The following OR2L13 variants were observed in gnomAD, a reference collection of about 807,000 sequenced individuals.
OR2L13 encodes the protein olfactory receptor 2L13.
OR2L13 carries 14 observed loss-of-function variants against 15.3 expected under a neutral mutation model. The observed-to-expected ratio is 0.91, with a 90% CI of 0.60 to 1.43. OR2L13 has a LOEUF of 1.43. Among genes scored for constraint, OR2L13 ranks in the 40% most tolerant of loss-of-function variants. The probability of loss-of-function intolerance (pLI) is 0.00; values close to 1 mark genes in which losing one functional copy is unlikely to be tolerated. For synonymous variants in OR2L13, 152 were observed against 142.9 expected, an observed-to-expected ratio of 1.06 and a Z score of -0.45; for missense variants, 367 against 387.9, an observed-to-expected ratio of 0.95 and a Z score of 0.45.
At chr1:248,017,930 C>A in the OR2L13 span, among the ~76,000 whole-genome samples, 1 of 151,998 alleles carries the variant, frequency 6.6e-6, no homozygotes, top group African/African-American at 2.4e-5. Context: ...GGAAAAAATA[C>A]ATTCGTATCG....
chr1:247,941,641 AAGAG>A, the OR2L13 span, among the ~76,000 whole-genome samples: 2 of 151,264 alleles, frequency 1.3e-5, no homozygotes, highest in Non-Finnish European at 1.5e-5. Context: ...GATAGAGAAA[AAGAG>A]AGAGAGAGAG....
chr1:248,021,981 A>C, the OR2L13 span: 1,659 of 1,613,720 alleles, frequency 1.0e-3, 17 homozygotes, highest in Non-Finnish European at 3.5e-4. Flanking sequence ...AACTGATTTC[A>C]TCTTATTGGG....
the OR2L13 span, chr1:248,083,729 A>G: frequency 3.1e-6 from 5 of 1,613,210 alleles, no homozygotes; most frequent in Admixed American, 3.3e-5. Flanking sequence ...TGTTCCTCAC[A>G]CTGTAGATGA....
At chr1:248,067,757 C>T in the OR2L13 span, among the ~76,000 whole-genome samples, 1 of 152,228 alleles carries the variant, frequency 6.6e-6, no homozygotes, top group Non-Finnish European at 1.5e-5. Flanking sequence ...AAAGGGGTGA[C>T]AGACGGCACC....
chr1:248,055,040 GT>G, the OR2L13 span, among the ~76,000 whole-genome samples: 1 of 152,178 alleles, frequency 6.6e-6, no homozygotes, highest in African/African-American at 2.4e-5. Flanking sequence ...AATGCTTCCA[GT>G]TTTTGCCCAT....
chr1:247,956,899 A>G, the OR2L13 span, among the ~76,000 whole-genome samples: 1 of 152,136 alleles, frequency 6.6e-6, no homozygotes, highest in Non-Finnish European at 1.5e-5. Flanking sequence ...AACAGGGACA[A>G]TTTGACTTCC....
the OR2L13 span, among the ~76,000 whole-genome samples, chr1:247,970,261 T>G: frequency 6.6e-6 from 1 of 152,160 alleles, no homozygotes; most frequent in Admixed American, 6.6e-5. Flanking sequence ...AACATGACAT[T>G]TGCCTGTCAA....
At position 248,099,464 on chromosome 1, in the gene OR2L13, TC is replaced by T; in HGVS notation, c.90del (p.Ile31SerfsTer14). On this transcript the variant is annotated frameshift_variant, in exon 3 of 3. Coordinates refer to ENST00000641714, the Ensembl canonical transcript of OR2L13. LOFTEE classifies it high-confidence loss of function. Reference sequence around the variant, plus strand: ...ACTGGAATATTTCTCTTGTGCCTTATCATCCTCATATTCTTTCTGGCCTCGG... The same window carrying T: ...ACTGGAATATTTCTCTTGTGCCTTATATCCTCATATTCTTTCTGGCCTCGG... 2.5e-6 allele frequency: 4 copies of T among 1,613,894 alleles called. No homozygotes were observed. The highest frequency in any genetic ancestry group is 3.4e-6 in the Non-Finnish European group (4 of 1,179,804).
At chr1:247,981,965 G>C in the OR2L13 span, among the ~76,000 whole-genome samples, 1 of 151,816 alleles carries the variant, frequency 6.6e-6, no homozygotes, top group Non-Finnish European at 1.5e-5. Flanking sequence ...GCAGGCTCCC[G>C]CCACCACGCC....
At chr1:248,079,685 T>C in the OR2L13 span, among the ~76,000 whole-genome samples, 24 of 152,220 alleles carry the variant, frequency 1.6e-4, no homozygotes, top group African/African-American at 2.2e-4. Context: ...ATACCTAATC[T>C]GTCACTGAGG....
chr1:248,023,276 A>C, the OR2L13 span: 2 of 147,030 alleles, frequency 1.4e-5, no homozygotes, highest in African/African-American at 3.0e-5. Context: ...ATTGAATATT[A>C]AATAATATTT....
At chr1:248,070,596 G>A in the OR2L13 span, among the ~76,000 whole-genome samples, 9 of 152,182 alleles carry the variant, frequency 5.9e-5, no homozygotes, top group African/African-American at 1.9e-4. Context: ...AGATTCAAAC[G>A]CTAGCAGAAG....
chr1:248,044,809 CAAAAAAAAAAAAAAAAA>C, the OR2L13 span, among the ~76,000 whole-genome samples: 86 of 8,128 alleles, frequency 0.011, 10 homozygotes, highest in Non-Finnish European at 4.8e-3. Context: ...AACTCCGTCT[CAAAAAAAAAAAAAAAAA>C]AAAAAAAAAA....
the OR2L13 span, chr1:248,061,368 T>C: frequency 6.2e-7 from 1 of 1,614,102 alleles, no homozygotes. Context: ...ACATGAAATC[T>C]GCAGAAGGGA....
At chr1:247,995,178 T>A in the OR2L13 span, among the ~76,000 whole-genome samples, 1 of 152,208 alleles carries the variant, frequency 6.6e-6, no homozygotes, top group African/African-American at 2.4e-5. Context: ...TCCTCATCAC[T>A]CCCTTTTCTC....
At chr1:248,083,059 CTG>C in the OR2L13 span, among the ~76,000 whole-genome samples, 3 of 152,112 alleles carry the variant, frequency 2.0e-5, no homozygotes, top group African/African-American at 7.2e-5. Context: ...TAAAAACAGA[CTG>C]TGGAATAAAT....
the OR2L13 span, among the ~76,000 whole-genome samples, chr1:247,947,663 G>T: frequency 6.6e-6 from 1 of 152,180 alleles, no homozygotes; most frequent in East Asian, 1.9e-4. Context: ...TTGGTAAGGG[G>T]TCTGCTTTAA....
chr1:247,966,990 T>C, the OR2L13 span, among the ~76,000 whole-genome samples: 1 of 151,476 alleles, frequency 6.6e-6, no homozygotes, highest in African/African-American at 2.4e-5. Context: ...TCTATTGATG[T>C]GACTCTTTTC....
the OR2L13 span, chr1:248,022,307 T>A: frequency 6.2e-7 from 1 of 1,614,128 alleles, no homozygotes; most frequent in Non-Finnish European, 8.5e-7. Flanking sequence ...TGGCCTATGA[T>A]CGTTATGTGG....
Sources: gnomAD v4.1 joint callset for allele counts (sites outside exome capture counted in the v4.1 genomes callset) on GRCh38, gnomAD v4.1.1 for gene constraint, MANE v1.5 for transcripts, NCBI Gene and HGNC (gene_info 2026-07-23, HGNC 2026-07-21) for gene names.